The following RASL12 variants were observed in gnomAD, a reference collection of about 807,000 sequenced individuals.
RASL12 encodes ras-like protein family member 12.
A neutral mutation model predicts 22.9 loss-of-function variants in RASL12; 16 were observed. The observed-to-expected ratio is 0.70, with a 90% CI of 0.47 to 1.06. The LOEUF (loss-of-function observed/expected upper bound fraction) is 1.06. Among genes scored for constraint, RASL12 ranks in the 50% least tolerant of loss-of-function variants. The pLI is 0.00. For missense variants in RASL12, 306 were observed against 353.1 expected (o/e 0.87, Z 1.07); for synonymous variants, 159 against 152.2 (o/e 1.04, Z -0.33).
At position 65,055,042 on chromosome 15, in the gene RASL12, T is replaced by A; in HGVS notation, c.658A>T (p.Thr220Ser). The A allele has an allele frequency of 6.2e-7, 1 of 1,613,714 alleles. No homozygotes were observed. The highest frequency in any genetic ancestry group is 1.1e-5 in the South Asian group (1 of 91,012). ...TTGATGGTGGAGAGCGTGTTGAAGG[T>A]GCAGCTGGCCAGCCCATGCCGCGCG... is the stretch of plus-strand genomic sequence containing the variant. Reference protein sequence around the residue: ...LTARHGLASCTFNTLSTINLK... With the variant: ...LTARHGLASCSFNTLSTINLK... The change falls in exon 5 of 5, where the codon ACC becomes TCC. Residue 220 changes from threonine to serine, a missense_variant. Coordinates refer to ENST00000220062, the MANE Select transcript of RASL12 (RefSeq NM_016563.4).
Position 65,062,656 on chromosome 15 carries a change from G to A in RASL12, c.160+2561C>T, listed in dbSNP as rs1335436339. 3.3e-5 allele frequency among the ~76,000 whole-genome samples: 5 copies of A among 152,190 alleles called. No individual in the cohort carries two copies. In the East Asian group the frequency reaches 9.6e-4, roughly 29 times the overall value. ...GAAGCTAGTACTGTGCTACCTGCTG[G>A]AAATGGGAATGAATCTCCACCCTCA... On this transcript the variant is annotated intron_variant, in intron 2 of 4. Transcript: ENST00000220062.
chr15:65,053,998 T>G lies in RASL12; in HGVS notation c.*901A>C. 1 of 985,878 alleles carries G rather than the reference T, an allele frequency of 1.0e-6. No homozygotes were observed. Among genetic ancestry groups the G allele is most frequent in the Non-Finnish European group, 1.2e-6 (1 of 829,936 alleles). The allele number at this position is 985,878 out of a possible 1,614,324, so 61.1% of individuals were successfully genotyped here. On this transcript the variant is annotated 3_prime_UTR_variant, in exon 5 of 5. Transcript: ENST00000220062. ...GGGTCCTGGGTCCTGCCAAACCAGA[T>G]GACAAACGGGTATACTGTGTTTCTA...
At chr15:65,063,991 T>A (rs2086845593) in intron 2 of RASL12, among the ~76,000 whole-genome samples, 1 of 152,200 alleles carries the variant, frequency 6.6e-6, no homozygotes, top group Non-Finnish European at 1.5e-5. Flanking sequence ...TTGATTTTTA[T>A]GAATGGGGAA....
downstream of RASL12, chr15:65,053,175 G>C (rs763965192): frequency 6.2e-7 from 1 of 1,613,336 alleles, no homozygotes; most frequent in Non-Finnish European, 8.5e-7. Context: ...TGAGGGTTCA[G>C]AGAAGCCCCA....
At chr15:65,057,027 A>G (rs1359235752) in intron 4 of RASL12, among the ~76,000 whole-genome samples, 1 of 152,184 alleles carries the variant, frequency 6.6e-6, no homozygotes, top group Non-Finnish European at 1.5e-5. Flanking sequence ...AGGGTCTGCA[A>G]TTCCTCAAAG....
At chr15:65,063,317 C>T (rs2086835536) in intron 2 of RASL12, among the ~76,000 whole-genome samples, 1 of 152,168 alleles carries the variant, frequency 6.6e-6, no homozygotes, top group Non-Finnish European at 1.5e-5. Flanking sequence ...CTTGTCCTTT[C>T]CCAGACACTG....
At chr15:65,067,455 C>T (rs1384280093) in intron 1 of RASL12, among the ~76,000 whole-genome samples, 2 of 151,778 alleles carry the variant, frequency 1.3e-5, no homozygotes, top group Non-Finnish European at 2.9e-5. Flanking sequence ...GCAGGGGTCA[C>T]TGATACGGAG....
chr15:65,064,307 T>C (rs1160955171), intron 2 of RASL12, among the ~76,000 whole-genome samples: 1 of 152,234 alleles, frequency 6.6e-6, no homozygotes. Flanking sequence ...TATTTTTTAA[T>C]GCCCATTTTA....
downstream of RASL12, chr15:65,050,079 T>C (rs375150814): frequency 1.3e-6 from 2 of 1,551,590 alleles, no homozygotes; most frequent in Non-Finnish European, 8.7e-7. Flanking sequence ...AAGAGATGCT[T>C]TGGTTTTTTC....
chr15:65,045,967 AC>A, the RASL12 span, among the ~76,000 whole-genome samples: 1 of 152,040 alleles, frequency 6.6e-6, no homozygotes, highest in Admixed American at 6.5e-5. Flanking sequence ...GGAGTTCGAG[AC>A]CACCCCGGCT....
At chr15:65,053,068 C>T (rs770588345), downstream of RASL12, 13 of 1,614,032 alleles carry the variant, frequency 8.1e-6, no homozygotes, top group South Asian at 4.4e-5. Flanking sequence ...AAACTTTGCT[C>T]TCAGAAAAGC....
At chr15:65,047,795 T>TGATAGATA in the RASL12 span, among the ~76,000 whole-genome samples, 5,783 of 149,894 alleles carry the variant, frequency 0.039, 183 homozygotes, top group African/African-American at 0.072. Flanking sequence ...GATCGATAGA[T>TGATAGATA]GATAGATAGA....
At position 65,055,087 on chromosome 15, in the gene RASL12, G is replaced by A; in HGVS notation, c.613C>T (p.Pro205Ser). Residue 205 changes from proline to serine, a missense_variant, in exon 5 of 5, where the codon CCC (proline) becomes TCC (serine). Coordinates refer to ENST00000220062, the MANE Select transcript of RASL12 (RefSeq NM_016563.4). ...CGCGCGGTGAGCGGGGCCTGGTGGG[G>A]CAGGGCCCTCTCCTCGGAGATGAAG... ...PLFISEERAL[P>S]HQAPLTARHG... is the part of the protein sequence containing the mutation. The A allele has an allele frequency of 6.2e-7, 1 of 1,612,020 alleles. No homozygotes were observed. The highest frequency in any genetic ancestry group is 8.5e-7 in the Non-Finnish European group (1 of 1,179,250).
At chr15:65,065,957 A>G (rs1253603913) in intron 1 of RASL12, among the ~76,000 whole-genome samples, 1 of 152,102 alleles carries the variant, frequency 6.6e-6, no homozygotes, top group East Asian at 1.9e-4. Flanking sequence ...AGACCAGCCA[A>G]CTACTATACT....
At chr15:65,059,305 C>T in intron 3 of RASL12, 40 bp downstream of exon 3, 1 of 1,559,380 alleles carries the variant, frequency 6.4e-7, no homozygotes, top group East Asian at 2.2e-5. Flanking sequence ...GGAGGCTATA[C>T]TGACTCACAG....
downstream of RASL12, chr15:65,053,130 T>C: frequency 6.2e-7 from 1 of 1,614,096 alleles, no homozygotes; most frequent in Non-Finnish European, 8.5e-7. Context: ...GTGCTGTCAG[T>C]TTTCCTTCCG....
intron 1 of RASL12, 120 bp downstream of exon 1, chr15:65,067,613 C>T (rs912401317): frequency 8.1e-7 from 1 of 1,229,840 alleles, no homozygotes; most frequent in Non-Finnish European, 1.1e-6. Context: ...GTGCGACCCT[C>T]CTGGGTGAAG....
intron 4 of RASL12, among the ~76,000 whole-genome samples, chr15:65,056,580 T>A (rs549269418): frequency 6.6e-6 from 1 of 152,146 alleles, no homozygotes; most frequent in East Asian, 1.9e-4. Flanking sequence ...ACAAACCCCA[T>A]GTGTGCGTGC....
At chr15:65,052,884 A>T, downstream of RASL12, 1 of 1,317,906 alleles carries the variant, frequency 7.6e-7, no homozygotes, top group Non-Finnish European at 1.1e-6. Flanking sequence ...TTTTCCCCTT[A>T]GACTCTTTAA....
Sources: allele counts gnomAD v4.1 joint callset (sites outside exome capture counted in the v4.1 genomes callset), GRCh38; gene constraint gnomAD v4.1.1; transcripts MANE v1.5; gene names NCBI Gene and HGNC (gene_info 2026-07-23, HGNC 2026-07-21).